Variants in NR2F6 observed in about 807,000 individuals in gnomAD.
The protein encoded by NR2F6 is nuclear receptor subfamily 2 group F member 6.
Under a neutral mutation model 26.5 loss-of-function variants are expected in NR2F6, and 16 were observed. The ratio of observed to expected loss-of-function variants is 0.60; its 90% CI spans 0.41 to 0.92. The LOEUF (loss-of-function observed/expected upper bound fraction) is 0.92, where lower values mean the gene tolerates loss of function less well. Ranked by LOEUF, NR2F6 falls within the 40% of genes least tolerant of loss-of-function variation. The pLI is 0.00. For synonymous variants in NR2F6, 325 were observed against 305.0 expected (o/e 1.07, Z -0.68); for missense variants, 536 against 631.7 (o/e 0.85, Z 1.62).
At chr19:17,233,202 A>C (rs960520545) in intron 3 of NR2F6, among the ~76,000 whole-genome samples, 2 of 152,250 alleles carry the variant, frequency 1.3e-5, no homozygotes, top group African/African-American at 4.8e-5. Context: ...TTGTAGTCCC[A>C]GCTCCTCAAG....
At chr19:17,240,641 G>A (rs746858006) in intron 2 of NR2F6, 30 bp downstream of exon 2, 17 of 1,606,222 alleles carry the variant, frequency 1.1e-5, no homozygotes, top group South Asian at 3.3e-5. Context: ...GGCTGTGATC[G>A]TCCCCAGTGT....
In NR2F6 at chr19:17,232,594, C is replaced by G. The variant is rs2073413800; in HGVS notation, c.973G>C (p.Glu325Gln). The G allele has an allele frequency of 6.4e-7, 1 of 1,561,358 alleles. No individual in the cohort carries two copies. Among genetic ancestry groups the G allele is most frequent in the Non-Finnish European group, 8.7e-7 (1 of 1,153,802 alleles). ...ACCTGCGCCTTCTCCTGCAGGCTCT[C>G]AACGTGGGCCGGGTCTGAGAGGCCA... Reference protein sequence around the residue: ...ACGLSDPAHVESLQEKAQVAL... With the variant: ...ACGLSDPAHVQSLQEKAQVAL... Residue 325 changes from glutamate to glutamine, a missense_variant, in exon 4 of 4, where the codon GAG (glutamate) becomes CAG (glutamine). Glu to Gln is a conservative substitution (Grantham distance 29). Coordinates refer to ENST00000291442, the MANE Select transcript of NR2F6 (RefSeq NM_005234.4).
intron 2 of NR2F6, among the ~76,000 whole-genome samples, chr19:17,239,590 C>G (rs1283754572): frequency 6.6e-6 from 1 of 150,612 alleles, no homozygotes; most frequent in Non-Finnish European, 1.5e-5. Context: ...GGGGGCGGAG[C>G]CTGCAGTGAG....
chr19:17,244,332 T>A (rs1376076115), intron 1 of NR2F6: 1 of 152,596 alleles, frequency 6.6e-6, no homozygotes, highest in Non-Finnish European at 1.5e-5. Flanking sequence ...CCAGAGGGGT[T>A]CCCTGAGATG....
intron 1 of NR2F6, among the ~76,000 whole-genome samples, chr19:17,243,277 C>T (rs924877887): frequency 6.6e-6 from 1 of 152,212 alleles, no homozygotes; most frequent in African/African-American, 2.4e-5. Flanking sequence ...ACTGTGTCTC[C>T]TCCAGACTGG....
Position 17,235,519 on chromosome 19 carries a change from G to A in NR2F6, c.920C>T (p.Ala307Val). 3 of 1,593,054 alleles carry A rather than the reference G, an allele frequency of 1.9e-6. No individual in the cohort carries two copies. The highest frequency in any genetic ancestry group is 1.1e-5 in the South Asian group (1 of 89,336). Residue 307 changes from alanine to valine, a missense_variant, in exon 3 of 4, where the codon GCC becomes GTC. Ala to Val is a moderately conservative substitution (Grantham distance 64). Coordinates refer to ENST00000291442, the MANE Select transcript of NR2F6 (RefSeq NM_005234.4). This position sits in a 1 kb window ranked among gnomAD's most constrained non-coding sequence, Gnocchi z 5.0. Reference sequence around the variant, plus strand: ...CTCACCGGGCGTGAAGAGCGCGATGGCCTTGAGGCAGCCATACTCGGCCGA... The same window carrying A: ...CTCACCGGGCGTGAAGAGCGCGATGACCTTGAGGCAGCCATACTCGGCCGA... ...VDSAEYGCLKAIALFTPDACG... is the reference protein window; with the variant it reads ...VDSAEYGCLKVIALFTPDACG...
intron 3 of NR2F6, 50 bp from the exon 4 acceptor site, chr19:17,232,676 AG>A (rs771467902): frequency 6.6e-7 from 1 of 1,505,190 alleles, no homozygotes; most frequent in Admixed American, 2.2e-5. Flanking sequence ...TAGAGAACAC[AG>A]AGCCCACAGG....
rs1283251156 is a variant in NR2F6 at position 17,244,959 on chromosome 19, G to C, written c.262C>G (p.Leu88Val). 1 of 1,564,530 alleles carries C rather than the reference G, an allele frequency of 6.4e-7. No individual in the cohort carries two copies. Among genetic ancestry groups the C allele is most frequent in the Non-Finnish European group, 8.7e-7 (1 of 1,155,084 alleles). ...GGGGCTCACCGGCAGGTGTAGCTGA[G>C]GTTGCGGCGGATGCTTCGCTTGAAA... ...SFFKRSIRRN[L>V]SYTCRSNRDC... is the part of the protein sequence containing the mutation. The change falls in exon 1 of 4, where the codon CTC (leucine) becomes GTC (valine). Residue 88 changes from leucine to valine, a missense_variant. Physicochemically the swap from Leu to Val is conservative, Grantham distance 32. Transcript: ENST00000291442.
Position 17,244,931 on chromosome 19 carries a change from T to A in NR2F6, c.278+12A>T, listed in dbSNP as rs756053945. 15 of 1,561,964 alleles carry A rather than the reference T, an allele frequency of 9.6e-6. No homozygotes were observed. In the East Asian group the frequency reaches 3.0e-4, roughly 32 times the overall value. ...GGGGTGCACGGCGGCGGCGCGCGGA[T>A]GGGGGGCTCACCGGCAGGTGTAGCT... On this transcript the variant is annotated intron_variant, in intron 1 of 3. Coordinates refer to ENST00000291442, the MANE Select transcript of NR2F6 (RefSeq NM_005234.4).
intron 1 of NR2F6, among the ~76,000 whole-genome samples, chr19:17,241,783 C>T (rs889250764): frequency 6.6e-6 from 1 of 152,064 alleles, no homozygotes; most frequent in African/African-American, 2.4e-5. Flanking sequence ...CTTTGGGAGG[C>T]GGGGGAGGGT....
Position 17,245,322 on chromosome 19 carries a change from C to T in NR2F6, c.-102G>A, listed in dbSNP as rs2073492640. 1.9e-6 allele frequency: 2 copies of T among 1,027,964 alleles called. No individual in the cohort carries two copies. The highest frequency in any genetic ancestry group is 3.4e-5 in the African/African-American group (2 of 58,948). The allele number at this position is 1,027,964 out of a possible 1,614,324, so 63.7% of individuals were successfully genotyped here. ...ACGCGGCGCGCATTCGGCCCCGGCG[C>T]GCGGGGGGCACGGGCTGCACCCCCC... is the stretch of plus-strand genomic sequence containing the variant. On this transcript the variant is annotated 5_prime_UTR_variant, in exon 1 of 4. Coordinates refer to ENST00000291442, the MANE Select transcript of NR2F6 (RefSeq NM_005234.4). The surrounding 1 kb of genome is among the most constrained non-coding windows in gnomAD (Gnocchi z 5.0).
In NR2F6 at chr19:17,232,074, A is replaced by C; in HGVS notation, c.*278T>G. ...CCCCACCATCCCACAAGTTCATGCT[A>C]GGGGTGCTGAGGAACAAGGCTGTCC... On this transcript the variant is annotated 3_prime_UTR_variant, in exon 4 of 4. Transcript: ENST00000291442. 4 of 430,928 alleles carry C rather than the reference A, an allele frequency of 9.3e-6. No homozygotes were observed. Among genetic ancestry groups the C allele is most frequent in the Non-Finnish European group, 1.2e-5 (3 of 241,188 alleles). 26.7% of individuals were successfully genotyped at this position (430,928 alleles called of 1,614,324 possible).
chr19:17,240,076 G>A (rs940543335), intron 2 of NR2F6, among the ~76,000 whole-genome samples: 3 of 152,126 alleles, frequency 2.0e-5, no homozygotes, highest in East Asian at 1.9e-4. Context: ...CCCAGAATAC[G>A]CCCGTCCACC....
chr19:17,242,314 G>A (rs542952514), intron 1 of NR2F6, among the ~76,000 whole-genome samples: 9 of 152,242 alleles, frequency 5.9e-5, no homozygotes, highest in African/African-American at 1.7e-4. Flanking sequence ...GTGAAACTCC[G>A]TCTCAAAAAC....
At chr19:17,241,345 T>C (rs937245315) in intron 1 of NR2F6, among the ~76,000 whole-genome samples, 1 of 151,976 alleles carries the variant, frequency 6.6e-6, no homozygotes, top group African/African-American at 2.4e-5. Flanking sequence ...ACAAAGTCAC[T>C]CTGGTCCTCA....
In NR2F6 at chr19:17,245,035, C is replaced by T. The variant is rs1461659627; in HGVS notation, c.186G>A (p.Lys62=). ...LQVDCVVCGD[K]SSGKHYGVFT... ...AGACACCGTAATGCTTGCCGCTCGA[C>T]TTGTCCCCGCACACCACGCAGTCCA... The change falls in exon 1 of 4, where the codon AAG becomes AAA. Residue 62 remains lysine (K), a synonymous_variant. Coordinates refer to ENST00000291442, the MANE Select transcript of NR2F6 (RefSeq NM_005234.4). This position sits in a 1 kb window ranked among gnomAD's most constrained non-coding sequence, Gnocchi z 5.0. 4 of 1,602,948 alleles carry T rather than the reference C, an allele frequency of 2.5e-6. No individual in the cohort carries two copies. The highest frequency in any genetic ancestry group is 2.7e-5 in the African/African-American group (2 of 74,648).
Position 17,235,786 on chromosome 19 carries a change from C to G in NR2F6, c.653G>C (p.Arg218Pro). The change falls in exon 3 of 4, where the codon CGC becomes CCC. Residue 218 changes from arginine to proline, a missense_variant. Physicochemically the swap from Arg to Pro is moderately radical, Grantham distance 103 (BLOSUM62 -2). Coordinates refer to ENST00000291442, the MANE Select transcript of NR2F6 (RefSeq NM_005234.4). This position sits in a 1 kb window ranked among gnomAD's most constrained non-coding sequence, Gnocchi z 5.0. ...CAGCTCGGGGAAGAAGGGCGCGTGG[C>G]GCGCCCACTCCACGGTGCTGAAGAG... The part of the protein sequence containing the change: ...RLLFSTVEWA[R>P]HAPFFPELPV... 1 of 1,495,944 alleles carries G rather than the reference C, an allele frequency of 6.7e-7. No homozygotes were observed. The highest frequency in any genetic ancestry group is 1.2e-5 in the South Asian group (1 of 80,048). The allele number at this position is 1,495,944 out of a possible 1,614,324, so 92.7% of individuals were successfully genotyped here.
In NR2F6 at chr19:17,245,140, C is replaced by A; in HGVS notation, c.81G>T (p.Ala27=). ...GVDKAGGYPR[A]AEDDSASPPG... ...GGGGCGAGGCCGAGTCGTCCTCGGCCGCGCGCGGGTAGCCGCCCGCCTTGT... is the reference window on the plus strand; with the variant it reads ...GGGGCGAGGCCGAGTCGTCCTCGGCAGCGCGCGGGTAGCCGCCCGCCTTGT... Residue 27 remains alanine (A), a synonymous_variant, in exon 1 of 4, where the codon GCG becomes GCT. Coordinates refer to ENST00000291442, the MANE Select transcript of NR2F6 (RefSeq NM_005234.4). This position sits in a 1 kb window ranked among gnomAD's most constrained non-coding sequence, Gnocchi z 5.0. The A allele has an allele frequency of 6.9e-7, 1 of 1,441,852 alleles. No individual in the cohort carries two copies. The highest frequency in any genetic ancestry group is 3.3e-5 in the Admixed American group (1 of 30,734). The allele number at this position is 1,441,852 out of a possible 1,614,324, so 89.3% of individuals were successfully genotyped here. A position where few individuals can be genotyped will look rare whatever the true frequency, so the allele number is the denominator to read the frequency against.
In NR2F6 at chr19:17,232,304, T is replaced by C. The variant is rs1219536790; in HGVS notation, c.*48A>G. 6.2e-7 allele frequency: 1 copy of C among 1,610,488 alleles called. No individual in the cohort carries two copies. The highest frequency in any genetic ancestry group is 8.5e-7 in the Non-Finnish European group (1 of 1,177,738). ...CGAGGCCTCAGCATTCCCTGTCCCT[T>C]GAGGTCTGTCTGCAGGCCTGGCCAC... On this transcript the variant is annotated 3_prime_UTR_variant, in exon 4 of 4. Transcript: ENST00000291442.
Sources: gnomAD v4.1 joint callset for allele counts (sites outside exome capture counted in the v4.1 genomes callset) on GRCh38, gnomAD v4.1.1 for gene constraint, Gnocchi (gnomAD v3.1) non-coding constraint, MANE v1.5 for transcripts, NCBI Gene and HGNC (gene_info 2026-07-23, HGNC 2026-07-21) for gene names.